Variants in MAPK10 observed in about 807,000 individuals in gnomAD.
MAPK10 encodes JNK3 alpha protein kinase.
Under a neutral mutation model 59.3 loss-of-function variants are expected in MAPK10, and 25 were observed. That is an observed-to-expected ratio of 0.42 (90% CI 0.31 to 0.59). The LOEUF (loss-of-function observed/expected upper bound fraction) is 0.59. Ranked by LOEUF, MAPK10 falls within the 20% of genes least tolerant of loss-of-function variation. The probability of loss-of-function intolerance (pLI) is 0.15; values close to 1 mark genes in which losing one functional copy is unlikely to be tolerated. For missense variants in MAPK10, 351 were observed against 568.9 expected, an observed-to-expected ratio of 0.62 and a Z score of 3.90; for synonymous variants, 190 against 200.5, an observed-to-expected ratio of 0.95 and a Z score of 0.44.
At chr4:86,294,097 C>G (rs1309990279) in intron 2 of MAPK10, among the ~76,000 whole-genome samples, 1 of 152,212 alleles carries the variant, frequency 6.6e-6, no homozygotes, top group Non-Finnish European at 1.5e-5. Context: ...CACCCGGCTT[C>G]TTTCCTCATC....
At chr4:86,119,750 C>G (rs2058928450) in intron 4 of MAPK10, 1 of 152,158 alleles carries the variant, frequency 6.6e-6, no homozygotes, top group South Asian at 2.1e-4. Flanking sequence ...CTCTTAGCCC[C>G]CTTTGAGGAT....
At chr4:86,235,922 C>T (rs140464649) in intron 2 of MAPK10, among the ~76,000 whole-genome samples, 5 of 152,250 alleles carry the variant, frequency 3.3e-5, no homozygotes, top group Middle Eastern at 3.4e-3. Flanking sequence ...TTCCTGGGAT[C>T]GAAAGTCCAA....
intron 9 of MAPK10, among the ~76,000 whole-genome samples, chr4:86,078,538 A>G (rs2049973826): frequency 6.6e-6 from 1 of 151,854 alleles, no homozygotes; most frequent in African/African-American, 2.4e-5. Context: ...TTTGTGATTA[A>G]ATTTGTTGTT....
intron 9 of MAPK10, among the ~76,000 whole-genome samples, chr4:86,083,283 C>T (rs2051052074): frequency 6.6e-6 from 1 of 152,034 alleles, no homozygotes; most frequent in Non-Finnish European, 1.5e-5. Context: ...TTTAATTCCA[C>T]ATTGCTGAAA....
At chr4:86,171,816 C>T (rs528142943) in intron 3 of MAPK10, among the ~76,000 whole-genome samples, 19 of 147,552 alleles carry the variant, frequency 1.3e-4, no homozygotes, top group Admixed American at 4.7e-4. Flanking sequence ...GAAAATTTTC[C>T]CAACCTACTC....
chr4:86,177,234 G>C (rs1009710091), intron 3 of MAPK10, among the ~76,000 whole-genome samples: 1 of 151,928 alleles, frequency 6.6e-6, no homozygotes, highest in African/African-American at 2.4e-5. Flanking sequence ...TGAGTTTTTG[G>C]GGGGTTCAGG....
chr4:86,350,871 G>C (rs772574510), intron 2 of MAPK10, among the ~76,000 whole-genome samples: 1 of 152,114 alleles, frequency 6.6e-6, no homozygotes, highest in African/African-American at 2.4e-5. Context: ...AGTAACAACA[G>C]ATTTAGATGA....
At chr4:86,030,093 C>G (rs2038649504) in intron 12 of MAPK10, among the ~76,000 whole-genome samples, 1 of 152,090 alleles carries the variant, frequency 6.6e-6, no homozygotes, top group Non-Finnish European at 1.5e-5. Flanking sequence ...TAGTCCATGT[C>G]CTCCTCAAAT....
intron 1 of MAPK10, among the ~76,000 whole-genome samples, chr4:86,389,876 G>T (rs1261917206): frequency 6.6e-6 from 1 of 152,178 alleles, no homozygotes; most frequent in Non-Finnish European, 1.5e-5. Flanking sequence ...ATTTCAAACA[G>T]ATGAGTCTGC....
chr4:86,198,103 T>C (rs1157655401), intron 2 of MAPK10, among the ~76,000 whole-genome samples: 1 of 152,156 alleles, frequency 6.6e-6, no homozygotes, highest in African/African-American at 2.4e-5. Flanking sequence ...TATGGCCCTC[T>C]CATATTTCCG....
rs200612454 is a variant in MAPK10 at position 86,271,650 on chromosome 4, T to G, written c.-6-77243A>C. Among the ~76,000 whole-genome samples the G allele has an allele frequency of 4.6e-5, 7 of 151,924 alleles. No homozygotes were observed. The East Asian group carries it at 1.4e-3, about 30-fold the overall frequency. ...ATGTAAGGGAAAGAGGTTTACTGAC[T>G]CAGTTCCACAGGGCTTGGGAGGCCT... On this transcript the variant is annotated intron_variant, in intron 2 of 13. Coordinates refer to ENST00000641462, the MANE Select transcript of MAPK10 (RefSeq NM_138982.4).
At chr4:86,482,416 A>C (rs1341534743) in intron 1 of MAPK10, among the ~76,000 whole-genome samples, 1 of 152,112 alleles carries the variant, frequency 6.6e-6, no homozygotes, top group African/African-American at 2.4e-5. Context: ...TCAGTGCCCC[A>C]AATACCACAC....
intron 1 of MAPK10, among the ~76,000 whole-genome samples, chr4:86,494,091 C>T (rs1456076759): frequency 6.6e-6 from 1 of 152,232 alleles, no homozygotes; most frequent in East Asian, 1.9e-4. Context: ...GAACTTGCAA[C>T]TTCTCTTTCC....
intron 1 of MAPK10, among the ~76,000 whole-genome samples, chr4:86,545,272 A>G (rs1417893313): frequency 6.6e-6 from 1 of 152,234 alleles, no homozygotes; most frequent in Admixed American, 6.5e-5. Flanking sequence ...TTGAGTCTGA[A>G]GAATGAGCGC....
intron 9 of MAPK10, among the ~76,000 whole-genome samples, chr4:86,075,227 C>G (rs1386084674): frequency 6.6e-6 from 1 of 152,176 alleles, no homozygotes; most frequent in Non-Finnish European, 1.5e-5. Flanking sequence ...GTTCTCGAGC[C>G]TTGGTTTTCA....
intron 3 of MAPK10, among the ~76,000 whole-genome samples, chr4:86,168,061 AC>A (rs1480888468): frequency 1.3e-5 from 2 of 152,248 alleles, no homozygotes; most frequent in African/African-American, 4.8e-5. Flanking sequence ...TGCAAAAGTT[AC>A]AAGCATTCTG....
intron 1 of MAPK10, among the ~76,000 whole-genome samples, chr4:86,581,899 TTATATATATATATATATATA>T (rs67303972): frequency 0.025 from 2,307 of 91,548 alleles, 84 homozygotes; most frequent in Admixed American, 0.053. Flanking sequence ...GCTATATATA[TTATATATATATATATATATA>T]TATATATATA....
intron 2 of MAPK10, among the ~76,000 whole-genome samples, chr4:86,203,148 A>G (rs1416465699): frequency 6.6e-6 from 1 of 151,878 alleles, no homozygotes; most frequent in Non-Finnish European, 1.5e-5. Flanking sequence ...GCTTTCAATC[A>G]CTAGTTGTTC....
At chr4:86,308,012 C>T (rs2095601251) in intron 2 of MAPK10, among the ~76,000 whole-genome samples, 1 of 152,004 alleles carries the variant, frequency 6.6e-6, no homozygotes, top group African/African-American at 2.4e-5. Flanking sequence ...TAAAGTGAAC[C>T]AACAGGTGAA....
Sources: allele counts gnomAD v4.1 joint callset (sites outside exome capture counted in the v4.1 genomes callset), GRCh38; gene constraint gnomAD v4.1.1; transcripts MANE v1.5; gene names NCBI Gene and HGNC (gene_info 2026-07-23, HGNC 2026-07-21).